The following MCOLN3 variants were observed in gnomAD, a reference collection of about 807,000 sequenced individuals.
MCOLN3 encodes mucolipin TRP cation channel 3.
A neutral mutation model predicts 69.4 loss-of-function variants in MCOLN3; 62 were observed. The ratio of observed to expected loss-of-function variants is 0.89; its 90% CI spans 0.73 to 1.10. MCOLN3 has a LOEUF of 1.10. Among genes scored for constraint, MCOLN3 ranks in the 50% least tolerant of loss-of-function variants. The pLI is 0.00. For synonymous variants in MCOLN3, 183 were observed against 217.0 expected, an observed-to-expected ratio of 0.84 and a Z score of 1.38; for missense variants, 564 against 656.4, an observed-to-expected ratio of 0.86 and a Z score of 1.54.
At chr1:85,026,703 G>A (rs6657216) in intron 7 of MCOLN3, among the ~76,000 whole-genome samples, 7,244 of 151,014 alleles carry the variant, frequency 0.048, 192 homozygotes, top group Middle Eastern at 0.068. Flanking sequence ...TTTGCAGTGA[G>A]CCAAGATCAT....
At position 85,034,328 on chromosome 1, in the gene MCOLN3, A is replaced by G. The variant is rs933410827; in HGVS notation, c.397-77T>C. The G allele has an allele frequency of 2.0e-6, 3 of 1,468,074 alleles. No individual in the cohort carries two copies. The African/African-American group carries it at 4.2e-5, about 20-fold the overall frequency. 90.9% of individuals were successfully genotyped at this position (1,468,074 alleles called of 1,614,324 possible). A position where few individuals can be genotyped will look rare whatever the true frequency, so the allele number is the denominator to read the frequency against. On this transcript the variant is annotated intron_variant, in intron 3 of 12. Coordinates refer to ENST00000370589, the MANE Select transcript of MCOLN3 (RefSeq NM_018298.11). ...GAAGCCATAACTCCCCTCCCTCCCC[A>G]CCTCTGATCCTGGCAGGTTCCCTTG... is the stretch of plus-strand genomic sequence containing the variant.
intron 1 of MCOLN3, among the ~76,000 whole-genome samples, chr1:85,046,918 A>C (rs1383708423): frequency 2.0e-5 from 3 of 152,224 alleles, no homozygotes; most frequent in Non-Finnish European, 4.4e-5. Flanking sequence ...AGTAATTCTT[A>C]GGTAAAGGCA....
At chr1:85,034,394 G>C in intron 3 of MCOLN3, 143 bp from the exon 4 acceptor site, 1 of 750,024 alleles carries the variant, frequency 1.3e-6, no homozygotes, top group Non-Finnish European at 2.2e-6. Context: ...TAAGTGACTT[G>C]CTGCTGTGCA....
intron 6 of MCOLN3, among the ~76,000 whole-genome samples, chr1:85,031,899 C>T (rs1234837373): frequency 7.9e-6 from 1 of 126,538 alleles, no homozygotes; most frequent in South Asian, 2.7e-4. Context: ...GGTGAAACCC[C>T]GTCTCTGCTA....
intron 11 of MCOLN3, 124 bp downstream of exon 11, chr1:85,021,946 A>ACTGATCATACACGTCACTTTGTGTG: frequency 8.2e-7 from 1 of 1,222,872 alleles, no homozygotes; most frequent in Non-Finnish European, 1.2e-6. Flanking sequence ...GGCACTAGAT[A>ACTGATCATACACGTCACTTTGTGTG]TACTACCTTC....
Position 85,034,383 on chromosome 1 carries a change from G to GT in MCOLN3, c.397-133dup. On this transcript the variant is annotated intron_variant, in intron 3 of 12. Coordinates refer to ENST00000370589, the MANE Select transcript of MCOLN3 (RefSeq NM_018298.11). The stretch of plus-strand genomic sequence containing the variant: ...AGAGACATTCACTTTGATAAACAGG[G>GT]TAAGTGACTTGCTGCTGTGCACTAG... The GT allele has an allele frequency of 3.6e-6, 3 of 824,466 alleles. No individual in the cohort carries two copies. The South Asian group carries it at 5.2e-5, about 14-fold the overall frequency. The allele number at this position is 824,466 out of a possible 1,614,324, so 51.1% of individuals were successfully genotyped here.
rs1652332493 is a variant in MCOLN3, at chr1:85,028,460, A to G, written c.832+646T>C. Among the ~76,000 whole-genome samples the G allele has an allele frequency of 2.0e-5, 3 of 152,240 alleles. No homozygotes were observed. The South Asian group carries it at 6.2e-4, about 31-fold the overall frequency. On this transcript the variant is annotated intron_variant, in intron 7 of 12. Coordinates refer to ENST00000370589, the MANE Select transcript of MCOLN3 (RefSeq NM_018298.11). ...AGAACTCCTCATCTAGCGACCATTAAGTCCAGTACGATGTACCATTATGTC... is the reference window on the plus strand; with the variant it reads ...AGAACTCCTCATCTAGCGACCATTAGGTCCAGTACGATGTACCATTATGTC...
At chr1:85,036,148 C>T (rs766840376) in intron 3 of MCOLN3, among the ~76,000 whole-genome samples, 1 of 152,110 alleles carries the variant, frequency 6.6e-6, no homozygotes, top group Non-Finnish European at 1.5e-5. Context: ...ACTGCAGTAC[C>T]CTTGCACACA....
intron 9 of MCOLN3, 43 bp downstream of exon 9, chr1:85,025,896 G>A (rs1340928911): frequency 4.5e-6 from 7 of 1,540,916 alleles, no homozygotes; most frequent in Non-Finnish European, 6.2e-6. Flanking sequence ...TACCATTAGT[G>A]CAAATCTGAC....
chr1:85,026,321 G>A, intron 7 of MCOLN3, 37 bp from the exon 8 acceptor site: 5 of 1,289,852 alleles, frequency 3.9e-6, no homozygotes, highest in Non-Finnish European at 4.5e-6. Context: ...CTTATGTAGT[G>A]GGACATTAAT....
At chr1:85,039,789 A>G (rs1232305404) in intron 3 of MCOLN3, among the ~76,000 whole-genome samples, 1 of 152,048 alleles carries the variant, frequency 6.6e-6, no homozygotes, top group Admixed American at 6.5e-5. Flanking sequence ...CTATAAAAAA[A>G]ATTTTTTTTT....
intron 7 of MCOLN3, 37 bp downstream of exon 7, chr1:85,029,069 A>G: frequency 7.8e-7 from 1 of 1,289,592 alleles, no homozygotes; most frequent in East Asian, 2.3e-5. Flanking sequence ...ACATTATTTA[A>G]TAACCATTCT....
chr1:85,025,588 T>TAAA, intron 9 of MCOLN3: 6 of 157,776 alleles, frequency 3.8e-5, no homozygotes, highest in Admixed American at 1.3e-4. Flanking sequence ...CTTGTAAGAT[T>TAAA]AAAAAAAAAA....
chr1:85,027,428 A>G (rs567886682), intron 7 of MCOLN3, among the ~76,000 whole-genome samples: 1 of 152,234 alleles, frequency 6.6e-6, no homozygotes, highest in Non-Finnish European at 1.5e-5. Context: ...GAGAGGTCAC[A>G]TGATTTCCCC....
chr1:85,032,895 C>T lies in MCOLN3; in HGVS notation c.612G>A (p.Leu204=), dbSNP rs967411081. The part of the protein sequence containing the change: ...FHIGTPAENK[L]NLTLDFHRLL... ...ACCTGTGGAAGTCCAGTGTTAAGTT[C>T]AGTTTATTTTCTGCTGGTGTCCCAA... is the stretch of plus-strand genomic sequence containing the variant. The change falls in exon 5 of 13, where the codon CTG becomes CTA. Residue 204 remains leucine (L), a synonymous_variant. Coordinates refer to ENST00000370589, the MANE Select transcript of MCOLN3 (RefSeq NM_018298.11). 2.5e-6 allele frequency: 4 copies of T among 1,614,008 alleles called. No individual in the cohort carries two copies. In the African/African-American group the frequency reaches 5.3e-5, roughly 22 times the overall value.
At chr1:85,026,745 A>G (rs1652243819) in intron 7 of MCOLN3, among the ~76,000 whole-genome samples, 1 of 150,714 alleles carries the variant, frequency 6.6e-6, no homozygotes, top group African/African-American at 2.4e-5. Flanking sequence ...TGACAGAGCG[A>G]GACTCCATCT....
At chr1:85,020,785 T>A (rs1347203713) in intron 12 of MCOLN3, among the ~76,000 whole-genome samples, 2 of 152,244 alleles carry the variant, frequency 1.3e-5, no homozygotes, top group African/African-American at 2.4e-5. Context: ...TAATTCTTTA[T>A]TTAGTTTTTT....
At chr1:85,030,777 C>T (rs1305588138) in intron 6 of MCOLN3, among the ~76,000 whole-genome samples, 1 of 152,054 alleles carries the variant, frequency 6.6e-6, no homozygotes, top group Non-Finnish European at 1.5e-5. Flanking sequence ...ATAAAGATGA[C>T]AGCAGATTTC....
intron 1 of MCOLN3, 35 bp from the exon 2 acceptor site, chr1:85,045,397 A>T: frequency 6.6e-7 from 1 of 1,520,680 alleles, no homozygotes; most frequent in Non-Finnish European, 9.0e-7. Context: ...AACAACCAAC[A>T]TTTCCATTTA....
Sources: gnomAD v4.1 joint callset for allele counts (sites outside exome capture counted in the v4.1 genomes callset) on GRCh38, gnomAD v4.1.1 for gene constraint, MANE v1.5 for transcripts, NCBI Gene and HGNC (gene_info 2026-07-23, HGNC 2026-07-21) for gene names.